Variants in NSD1 observed in about 807,000 individuals in gnomAD.
The protein encoded by NSD1 is nuclear receptor binding SET domain protein 1.
Under a neutral mutation model 242.7 loss-of-function variants are expected in NSD1, and 26 were observed. That is an observed-to-expected ratio of 0.11 (90% CI 0.08 to 0.15). The LOEUF is 0.15. Among genes scored for constraint, NSD1 ranks in the 10% least tolerant of loss-of-function variants. NSD1 has a pLI of 1.00. For missense variants in NSD1, 2,495 were observed against 3,272.8 expected (o/e 0.76, Z 5.80); for synonymous variants, 1,106 against 1,178.1 (o/e 0.94, Z 1.25).
chr5:177,270,433 G>A (rs1757862120), intron 16 of NSD1, among the ~76,000 whole-genome samples: 1 of 152,202 alleles, frequency 6.6e-6, no homozygotes, highest in Non-Finnish European at 1.5e-5. Flanking sequence ...ATTATAAAAA[G>A]TGTCCCTGCA....
intron 21 of NSD1, among the ~76,000 whole-genome samples, chr5:177,290,607 C>T (rs1417366858): frequency 6.6e-6 from 1 of 151,182 alleles, no homozygotes; most frequent in African/African-American, 2.5e-5. Flanking sequence ...TGGGGTTTCC[C>T]CATGTTGGCC....
At chr5:177,147,600 T>G (rs538536903) in intron 2 of NSD1, among the ~76,000 whole-genome samples, 34 of 152,272 alleles carry the variant, frequency 2.2e-4, no homozygotes, top group South Asian at 2.1e-3. Context: ...TTGTTTGTTT[T>G]TTTTTTGAGA....
chr5:177,170,311 G>A (rs767271969), intron 2 of NSD1, among the ~76,000 whole-genome samples: 8 of 151,152 alleles, frequency 5.3e-5, no homozygotes, highest in Non-Finnish European at 1.2e-4. Flanking sequence ...TTTGGTGGGA[G>A]TCAGTACCCT....
intron 3 of NSD1, among the ~76,000 whole-genome samples, chr5:177,193,179 C>T (rs1761835974): frequency 6.6e-6 from 1 of 151,956 alleles, no homozygotes; most frequent in Non-Finnish European, 1.5e-5. Context: ...TCTGCTCTGT[C>T]TCCCAGGCTG....
chr5:177,256,868 T>C, intron 12 of NSD1, 83 bp from the exon 13 acceptor site: 1 of 1,164,890 alleles, frequency 8.6e-7, no homozygotes, highest in East Asian at 2.4e-5. Flanking sequence ...CATTATAAAA[T>C]TTCTTATGAA....
At position 177,294,378 on chromosome 5, in the gene NSD1, C is replaced by G; in HGVS notation, c.7010C>G (p.Thr2337Ser). Reference sequence around the variant, plus strand: ...CTAAGCGACAAACCCTCTCCAGTGACCAGCCCAAGCTCCTCACCCTCAGTC... The same window carrying G: ...CTAAGCGACAAACCCTCTCCAGTGAGCAGCCCAAGCTCCTCACCCTCAGTC... ...PQLSDKPSPV[T>S]SPSSSPSVRS... Residue 2337 changes from threonine to serine, a missense_variant, in exon 23 of 23, where the codon ACC becomes AGC. Transcript: ENST00000439151. 1 of 1,614,222 alleles carries G rather than the reference C, an allele frequency of 6.2e-7. No individual in the cohort carries two copies. Among genetic ancestry groups the G allele is most frequent in the East Asian group, 2.2e-5 (1 of 44,892 alleles).
rs1763355528 is a variant in NSD1 at position 177,211,688 on chromosome 5, T to G, written c.3289T>G (p.Leu1097Val). Residue 1097 changes from leucine to valine, a missense_variant, in exon 5 of 23, where the codon TTA becomes GTA. Coordinates refer to ENST00000439151, the MANE Select transcript of NSD1 (RefSeq NM_022455.5). ...KEDPLQIMGH[L>V]TSEDGDHFSD... ...GGATCCCCTTCAGATAATGGGCCAC[T>G]TAACAAGTGAAGATGGTGACCATTT... 1 of 1,614,002 alleles carries G rather than the reference T, an allele frequency of 6.2e-7. No individual in the cohort carries two copies. The highest frequency in any genetic ancestry group is 1.3e-5 in the African/African-American group (1 of 74,908).
chr5:177,185,347 C>T (rs981363123), intron 2 of NSD1, among the ~76,000 whole-genome samples: 1 of 151,790 alleles, frequency 6.6e-6, no homozygotes, highest in Non-Finnish European at 1.5e-5. Flanking sequence ...GTCTGTAATC[C>T]CAGCACTTGG....
intron 5 of NSD1, among the ~76,000 whole-genome samples, chr5:177,221,986 A>AT (rs1045951438): frequency 2.0e-5 from 3 of 150,248 alleles, no homozygotes; most frequent in African/African-American, 7.4e-5. Flanking sequence ...AGTTTTTTGT[A>AT]TTTTTGTGGA....
intron 3 of NSD1, among the ~76,000 whole-genome samples, chr5:177,194,160 C>CT (rs1293476669): frequency 6.6e-6 from 1 of 152,090 alleles, no homozygotes; most frequent in African/African-American, 2.4e-5. Flanking sequence ...ACTTCTTAGT[C>CT]ATCTTCCACG....
intron 2 of NSD1, among the ~76,000 whole-genome samples, chr5:177,178,589 T>C (rs1480540884): frequency 6.6e-6 from 1 of 152,208 alleles, no homozygotes; most frequent in Non-Finnish European, 1.5e-5. Flanking sequence ...AAAACAAATT[T>C]ATAATGATTT....
At chr5:177,259,084 C>T (rs1240460923) in intron 13 of NSD1, among the ~76,000 whole-genome samples, 1 of 152,200 alleles carries the variant, frequency 6.6e-6, no homozygotes, top group Non-Finnish European at 1.5e-5. Context: ...ATCTGCCTGC[C>T]TTGGCCTCCC....
At chr5:177,259,261 T>C (rs1176832479) in intron 13 of NSD1, among the ~76,000 whole-genome samples, 1 of 152,236 alleles carries the variant, frequency 6.6e-6, no homozygotes, top group Non-Finnish European at 1.5e-5. Flanking sequence ...TGTCAGTACC[T>C]TTTTTAGGAT....
intron 14 of NSD1, chr5:177,266,087 G>A (rs1188751430): frequency 1.8e-6 from 2 of 1,125,982 alleles, no homozygotes; most frequent in Non-Finnish European, 1.4e-6. Flanking sequence ...GTCCTCGGTG[G>A]CCGTCACATA....
At chr5:177,265,432 T>G (rs2149926550) in intron 14 of NSD1, 1 of 610,028 alleles carries the variant, frequency 1.6e-6, no homozygotes, top group Non-Finnish European at 2.9e-6. Context: ...ACAGTCATGA[T>G]GTGCCCTCCC....
upstream of NSD1, among the ~76,000 whole-genome samples, chr5:177,132,856 A>C (rs1755970290): frequency 6.6e-6 from 1 of 151,980 alleles, no homozygotes; most frequent in East Asian, 1.9e-4. This position sits in a 1 kb window ranked among gnomAD's most constrained non-coding sequence, Gnocchi z 7.5. Flanking sequence ...TGGGCACCGC[A>C]GGGCCGAGTC....
chr5:177,161,309 A>G (rs1758726959), intron 2 of NSD1, among the ~76,000 whole-genome samples: 1 of 151,776 alleles, frequency 6.6e-6, no homozygotes. Context: ...TGAGCTCAGG[A>G]GTTCCAGGCT....
intron 4 of NSD1, among the ~76,000 whole-genome samples, chr5:177,204,746 G>C (rs757556665): frequency 1.3e-5 from 2 of 152,104 alleles, no homozygotes; most frequent in Non-Finnish European, 2.9e-5. Flanking sequence ...GAATATCTGT[G>C]AGAAAAGAGC....
intron 2 of NSD1, among the ~76,000 whole-genome samples, chr5:177,165,996 G>A (rs1246048915): frequency 2.1e-5 from 3 of 145,008 alleles, no homozygotes; most frequent in South Asian, 2.1e-4. Context: ...TGCAACCTCC[G>A]CCTCCCGGGT....
Sources: gnomAD v4.1 joint callset for allele counts (sites outside exome capture counted in the v4.1 genomes callset) on GRCh38, gnomAD v4.1.1 for gene constraint, Gnocchi (gnomAD v3.1) non-coding constraint, MANE v1.5 for transcripts, NCBI Gene and HGNC (gene_info 2026-07-23, HGNC 2026-07-21) for gene names.